Variants in PAPOLA observed in about 807,000 individuals in gnomAD.
PAPOLA encodes poly(A) polymerase alpha, also known as polynucleotide adenylyltransferase alpha.
In PAPOLA, 15 loss-of-function variants were observed where a neutral mutation model predicts 100.6. That is an observed-to-expected ratio of 0.15 (90% CI 0.10 to 0.23). The LOEUF (loss-of-function observed/expected upper bound fraction) is 0.23, where lower values mean the gene tolerates loss of function less well. Ranked by LOEUF, PAPOLA falls within the 10% of genes least tolerant of loss-of-function variation. The pLI, the probability that PAPOLA is intolerant of heterozygous loss-of-function variation, is 1.00. For missense variants in PAPOLA, 533 were observed against 884.2 expected, an observed-to-expected ratio of 0.60 and a Z score of 5.04; for synonymous variants, 293 against 300.0, an observed-to-expected ratio of 0.98 and a Z score of 0.24.
intron 12 of PAPOLA, among the ~76,000 whole-genome samples, chr14:96,541,557 C>T (rs1174816882): frequency 1.3e-5 from 2 of 152,030 alleles, no homozygotes; most frequent in Non-Finnish European, 2.9e-5. Flanking sequence ...AAAAAGACTT[C>T]ATTATTTATT....
intron 1 of PAPOLA, chr14:96,502,892 C>T (rs1896405940): frequency 7.5e-6 from 3 of 399,276 alleles, no homozygotes; most frequent in Admixed American, 4.3e-5. Flanking sequence ...CCGGCCACTC[C>T]AGCTTCTCCG....
chr14:96,513,629 A>G (rs1037730320), intron 1 of PAPOLA, among the ~76,000 whole-genome samples: 7 of 152,096 alleles, frequency 4.6e-5, no homozygotes, highest in Admixed American at 2.6e-4. Context: ...TTTTTACACC[A>G]TGGCCAACAT....
At chr14:96,539,647 G>A (rs950099462) in intron 12 of PAPOLA, among the ~76,000 whole-genome samples, 4 of 152,022 alleles carry the variant, frequency 2.6e-5, no homozygotes, top group Non-Finnish European at 4.4e-5. Context: ...TCAAAGTCTC[G>A]CATGGAGGCA....
At chr14:96,509,965 C>CTTTTTT (rs11372552) in intron 1 of PAPOLA, among the ~76,000 whole-genome samples, 28 of 84,426 alleles carry the variant, frequency 3.3e-4, no homozygotes, top group African/African-American at 1.0e-3. Context: ...GTGGGAGTTG[C>CTTTTTT]TTTTTTTTTT....
intron 1 of PAPOLA, among the ~76,000 whole-genome samples, chr14:96,516,759 G>T (rs542425522): frequency 6.6e-6 from 1 of 152,142 alleles, no homozygotes; most frequent in Non-Finnish European, 1.5e-5. Flanking sequence ...TCCAGCTTGC[G>T]TCTGATTTAT....
chr14:96,541,930 CTTTAAT>C, intron 12 of PAPOLA: 1 of 187,534 alleles, frequency 5.3e-6, no homozygotes. Context: ...GTGAACAGCT[CTTTAAT>C]TTTATAGGCA....
chr14:96,535,733 GTC>G (rs915704631), intron 10 of PAPOLA, 144 bp from the exon 11 acceptor site: 7 of 797,892 alleles, frequency 8.8e-6, no homozygotes, highest in Non-Finnish European at 1.2e-5. Flanking sequence ...TAAAAACAAT[GTC>G]TCTCTACATG....
chr14:96,514,139 G>C (rs1897278939), intron 1 of PAPOLA, among the ~76,000 whole-genome samples: 1 of 150,630 alleles, frequency 6.6e-6, no homozygotes, highest in Admixed American at 6.6e-5. Flanking sequence ...TTAAACTCCA[G>C]TTAACAAATC....
At chr14:96,550,972 G>GCC (rs2140318254) in intron 16 of PAPOLA, among the ~76,000 whole-genome samples, 2 of 152,260 alleles carry the variant, frequency 1.3e-5, no homozygotes, top group Admixed American at 6.5e-5. Context: ...TGAGAACCTT[G>GCC]CCCTGGGTTA....
At chr14:96,530,512 C>G (rs1216528809) in intron 6 of PAPOLA, among the ~76,000 whole-genome samples, 1 of 151,832 alleles carries the variant, frequency 6.6e-6, no homozygotes, top group Non-Finnish European at 1.5e-5. Flanking sequence ...TCAGCCCCCC[C>G]AAGTAGGTGG....
intron 1 of PAPOLA, among the ~76,000 whole-genome samples, chr14:96,513,856 T>C (rs865797280): frequency 2.6e-5 from 4 of 152,362 alleles, no homozygotes; most frequent in Middle Eastern, 3.4e-3. Flanking sequence ...TATATTGTTA[T>C]TATATAAAAG....
intron 6 of PAPOLA, 46 bp downstream of exon 6, chr14:96,528,052 A>G: frequency 8.0e-7 from 1 of 1,242,446 alleles, no homozygotes; most frequent in Non-Finnish European, 1.2e-6. Context: ...TGCTGTCACT[A>G]ATTTTGATTG....
At chr14:96,513,423 A>C (rs1897236950) in intron 1 of PAPOLA, among the ~76,000 whole-genome samples, 1 of 152,204 alleles carries the variant, frequency 6.6e-6, no homozygotes. Flanking sequence ...ATTAAAGAGA[A>C]TATGTCTTCC....
rs1901690442 is a variant in PAPOLA at position 96,559,788 on chromosome 14, G to A, written c.2005-861G>A. Among the ~76,000 whole-genome samples the A allele has an allele frequency of 2.0e-5, 3 of 151,578 alleles. No homozygotes were observed. The South Asian group carries it at 6.2e-4, about 31-fold the overall frequency. On this transcript the variant is annotated intron_variant, in intron 19 of 21. Transcript: ENST00000216277. ...TACCCACATCACTTCCTTCCCCATT[G>A]TTTTGAAGCAAACCCCAGGCATAAC...
chr14:96,522,803 T>A (rs1484919234), intron 3 of PAPOLA, among the ~76,000 whole-genome samples: 1 of 152,120 alleles, frequency 6.6e-6, no homozygotes, highest in East Asian at 1.9e-4. Flanking sequence ...TGTAGAGTTG[T>A]GTGTGGAGTT....
intron 1 of PAPOLA, among the ~76,000 whole-genome samples, chr14:96,507,279 A>ATTTTTTTTTTTTT (rs1566829466): frequency 2.9e-5 from 3 of 104,700 alleles, no homozygotes; most frequent in Admixed American, 1.0e-4. Flanking sequence ...TTTGGAAAAT[A>ATTTTTTTTTTTTT]GTTTTTTTTT....
At chr14:96,531,632 A>T in intron 7 of PAPOLA, 46 bp downstream of exon 7, 1 of 1,560,692 alleles carries the variant, frequency 6.4e-7, no homozygotes, top group Non-Finnish European at 8.7e-7. Flanking sequence ...TTTTTGTCAG[A>T]TATTAGTTGT....
intron 15 of PAPOLA, among the ~76,000 whole-genome samples, chr14:96,546,847 T>G (rs1160712926): frequency 2.0e-5 from 3 of 152,164 alleles, no homozygotes; most frequent in Non-Finnish European, 4.4e-5. Flanking sequence ...ATTGGCATTT[T>G]TCTTGTTTCT....
chr14:96,554,208 C>T (rs1434195355), intron 17 of PAPOLA, among the ~76,000 whole-genome samples: 2 of 152,164 alleles, frequency 1.3e-5, no homozygotes, highest in African/African-American at 2.4e-5. Context: ...TTTTAGAATA[C>T]GATTGTATAT....
Sources: allele counts gnomAD v4.1 joint callset (sites outside exome capture counted in the v4.1 genomes callset), GRCh38; gene constraint gnomAD v4.1.1; transcripts MANE v1.5; gene names NCBI Gene and HGNC (gene_info 2026-07-23, HGNC 2026-07-21).